The following PSD3 variants were observed in gnomAD, a reference collection of about 807,000 sequenced individuals.
The protein encoded by PSD3 is PH and SEC7 domain-containing protein 3.
Under a neutral mutation model 105.5 loss-of-function variants are expected in PSD3, and 49 were observed. That is an observed-to-expected ratio of 0.46 (90% CI 0.37 to 0.59). PSD3 has a LOEUF of 0.59. Among genes scored for constraint, PSD3 ranks in the 20% least tolerant of loss-of-function variants. The pLI is 0.00. For synonymous variants in PSD3, 557 were observed against 457.8 expected, an observed-to-expected ratio of 1.22 and a Z score of -2.77; for missense variants, 1,561 against 1,263.8, an observed-to-expected ratio of 1.24 and a Z score of -3.57.
intron 4 of PSD3, chr8:18,809,023 A>G (rs1811451699): frequency 9.8e-7 from 1 of 1,016,196 alleles, no homozygotes; most frequent in Non-Finnish European, 1.3e-6. Context: ...CTGTCTATCG[A>G]GAACGTAAGA....
At chr8:19,050,911 C>T (rs1012754249) in intron 1 of PSD3, among the ~76,000 whole-genome samples, 4 of 152,160 alleles carry the variant, frequency 2.6e-5, no homozygotes, top group Admixed American at 2.6e-4. Context: ...TAGTCACTCA[C>T]ATTCTCTCCC....
chr8:18,841,522 T>C (rs1193237473), intron 4 of PSD3, among the ~76,000 whole-genome samples: 2 of 151,094 alleles, frequency 1.3e-5, no homozygotes, highest in East Asian at 1.9e-4. Context: ...CTCACTAGCA[T>C]GGAGAGAGCA....
chr8:18,605,636 C>A (rs548076607), intron 11 of PSD3, among the ~76,000 whole-genome samples: 4 of 151,976 alleles, frequency 2.6e-5, no homozygotes, highest in Admixed American at 2.0e-4. Context: ...GGGCCTGGGG[C>A]GGAATGATAT....
chr8:18,681,287 C>A lies in PSD3; in HGVS notation c.2173-25602G>T, dbSNP rs142594687. ...ATTTTGGATGAAAGAGTCAGATAAT[C>A]AAAAATGCTGTTTACATGATTAGCA... On this transcript the variant is annotated intron_variant, in intron 9 of 15. Transcript: ENST00000327040. Among the ~76,000 whole-genome samples, 19 of 151,750 alleles carry A rather than the reference C, an allele frequency of 1.3e-4. 1 individual carries two copies. The East Asian group carries it at 2.1e-3, about 17-fold the overall frequency.
intron 4 of PSD3, chr8:18,865,197 C>T (rs1816730033): frequency 8.0e-6 from 1 of 124,910 alleles, no homozygotes. Flanking sequence ...GTAAGATATC[C>T]CACCAAACTG....
chr8:18,830,293 C>T (rs1813577453), intron 4 of PSD3, among the ~76,000 whole-genome samples: 2 of 152,172 alleles, frequency 1.3e-5, no homozygotes, highest in South Asian at 2.1e-4. Context: ...AGTCCTCAAG[C>T]TCCAAGGACC....
rs1341709817 is a variant in PSD3 at position 18,575,285 on chromosome 8, C to G, written c.2482G>C (p.Asp828His). The G allele has an allele frequency of 2.5e-6, 4 of 1,575,426 alleles. No homozygotes were observed. The African/African-American group carries it at 5.5e-5, about 21-fold the overall frequency. ...AAGGCCTTTTCTGGCTTGTATTCAT[C>G]CTATAGATGGACACAAAGAAAATAA... ...LKGTVLYLQK[D>H]EYKPEKALSE... Residue 828 changes from aspartate (D) to histidine (H), a missense_variant and splice_region_variant, in exon 13 of 16, where the codon GAT becomes CAT. Transcript: ENST00000327040.
At chr8:18,807,733 T>A (rs530574578) in intron 4 of PSD3, among the ~76,000 whole-genome samples, 1 of 152,286 alleles carries the variant, frequency 6.6e-6, no homozygotes, top group East Asian at 1.9e-4. Flanking sequence ...TAAAATAAAT[T>A]GCTTCATTAT....
At chr8:18,841,255 A>C (rs912301215) in intron 4 of PSD3, among the ~76,000 whole-genome samples, 5 of 152,098 alleles carry the variant, frequency 3.3e-5, no homozygotes, top group Non-Finnish European at 7.4e-5. Context: ...ATATTCATGC[A>C]TGCTCAGGCA....
At chr8:18,705,082 G>C (rs77732353) in intron 9 of PSD3, among the ~76,000 whole-genome samples, 3,914 of 152,168 alleles carry the variant, frequency 0.026, 357 homozygotes, top group East Asian at 0.17. Context: ...ACCCTTCCTA[G>C]ATGACAATTT....
chr8:18,580,823 C>T (rs1354256430), intron 12 of PSD3, among the ~76,000 whole-genome samples: 1 of 152,122 alleles, frequency 6.6e-6, no homozygotes, highest in Non-Finnish European at 1.5e-5. Flanking sequence ...TTCTTGAGAG[C>T]CTGATCTGCA....
chr8:18,677,650 G>A (rs984218152), intron 9 of PSD3, among the ~76,000 whole-genome samples: 1 of 152,208 alleles, frequency 6.6e-6, no homozygotes, highest in African/African-American at 2.4e-5. Flanking sequence ...ATAATCTGTA[G>A]AACTACGTCC....
chr8:18,792,335 G>C (rs573892670), intron 8 of PSD3, among the ~76,000 whole-genome samples: 26 of 152,258 alleles, frequency 1.7e-4, no homozygotes, highest in African/African-American at 5.8e-4. Context: ...TCAAGGGCTG[G>C]ATAAAGAAAA....
At chr8:18,959,267 T>C (rs1823764821) in intron 1 of PSD3, among the ~76,000 whole-genome samples, 1 of 152,032 alleles carries the variant, frequency 6.6e-6, no homozygotes, top group African/African-American at 2.4e-5. Context: ...CCCTTTAATA[T>C]ATCTTACATA....
chr8:18,550,784 T>C (rs144235111), intron 15 of PSD3, among the ~76,000 whole-genome samples: 69 of 152,262 alleles, frequency 4.5e-4, no homozygotes, highest in East Asian at 2.1e-3. Context: ...CTGTACTTAG[T>C]ATCCCACGAA....
intron 1 of PSD3, among the ~76,000 whole-genome samples, chr8:19,073,111 T>C (rs1345535149): frequency 6.7e-6 from 1 of 149,646 alleles, no homozygotes; most frequent in Non-Finnish European, 1.5e-5. Context: ...CTTATTTTGT[T>C]CTTTTTCTTG....
intron 9 of PSD3, among the ~76,000 whole-genome samples, chr8:18,663,768 T>A (rs1305389298): frequency 1.3e-5 from 2 of 152,238 alleles, no homozygotes; most frequent in African/African-American, 2.4e-5. Context: ...GATACCTCAC[T>A]GTATTGTGCT....
chr8:18,997,303 A>G (rs768938850), intron 1 of PSD3, among the ~76,000 whole-genome samples: 1 of 151,802 alleles, frequency 6.6e-6, no homozygotes, highest in Non-Finnish European at 1.5e-5. Flanking sequence ...TCCATCCTTC[A>G]AGATGCACAG....
chr8:18,736,054 A>G (rs138419271), intron 9 of PSD3, among the ~76,000 whole-genome samples: 4 of 152,314 alleles, frequency 2.6e-5, no homozygotes, highest in African/African-American at 9.6e-5. Flanking sequence ...ACAAATTTCA[A>G]CTTTCTTAAA....
Sources: gnomAD v4.1 joint callset for allele counts (sites outside exome capture counted in the v4.1 genomes callset) on GRCh38, gnomAD v4.1.1 for gene constraint, MANE v1.5 for transcripts, NCBI Gene and HGNC (gene_info 2026-07-23, HGNC 2026-07-21) for gene names.